The following ZNF536 variants were observed in gnomAD, a reference collection of about 807,000 sequenced individuals.
ZNF536 encodes the protein zinc finger protein 536.
A neutral mutation model predicts 84.5 loss-of-function variants in ZNF536; 13 were observed. The ratio of observed to expected loss-of-function variants is 0.15; its 90% CI spans 0.10 to 0.24. ZNF536 has a LOEUF of 0.24. Among genes scored for constraint, ZNF536 ranks in the 10% least tolerant of loss-of-function variants. The pLI, the probability that ZNF536 is intolerant of heterozygous loss-of-function variation, is 1.00. For synonymous variants in ZNF536, 811 were observed against 742.5 expected (o/e 1.09, Z -1.50); for missense variants, 1,536 against 1,747.5 (o/e 0.88, Z 2.16).
At chr19:30,271,456 C>T (rs1457073213) in intron 1 of ZNF536, among the ~76,000 whole-genome samples, 2 of 152,068 alleles carry the variant, frequency 1.3e-5, no homozygotes, top group Non-Finnish European at 2.9e-5. Context: ...CTTTTCTCAT[C>T]CCTTCTCCAG....
chr19:30,669,789 G>A (rs1453609700), intron 1 of ZNF536, among the ~76,000 whole-genome samples: 1 of 152,212 alleles, frequency 6.6e-6, no homozygotes, highest in Non-Finnish European at 1.5e-5. Context: ...CCTATTGTTG[G>A]AAAAAATTAA....
intron 1 of ZNF536, among the ~76,000 whole-genome samples, chr19:30,666,385 C>T (rs1486801057): frequency 6.6e-6 from 1 of 152,178 alleles, no homozygotes; most frequent in Non-Finnish European, 1.5e-5. Flanking sequence ...TTCTCCCTCC[C>T]TTTCCCTGCC....
At chr19:30,586,931 A>G (rs951172725) in intron 1 of ZNF536, among the ~76,000 whole-genome samples, 1 of 152,238 alleles carries the variant, frequency 6.6e-6, no homozygotes, top group African/African-American at 2.4e-5. Flanking sequence ...AATTAATTGA[A>G]AGTATGGAAA....
At chr19:30,620,122 C>T (rs2048430823) in intron 1 of ZNF536, among the ~76,000 whole-genome samples, 1 of 150,972 alleles carries the variant, frequency 6.6e-6, no homozygotes, top group African/African-American at 2.4e-5. Context: ...TACATGCTGG[C>T]TGACACTCAG....
intron 1 of ZNF536, among the ~76,000 whole-genome samples, chr19:30,440,607 A>G (rs1243048995): frequency 1.3e-5 from 2 of 152,188 alleles, no homozygotes; most frequent in African/African-American, 2.4e-5. Flanking sequence ...AAAAGGACCA[A>G]TGACAAAATG....
At chr19:30,651,658 A>G (rs1040361021) in intron 1 of ZNF536, among the ~76,000 whole-genome samples, 2 of 152,224 alleles carry the variant, frequency 1.3e-5, no homozygotes, top group Non-Finnish European at 1.5e-5. Context: ...TTCTGTAAAG[A>G]TGCCATATTT....
intron 2 of ZNF536, among the ~76,000 whole-genome samples, chr19:30,534,252 G>A: frequency 6.6e-6 from 1 of 152,160 alleles, no homozygotes; most frequent in East Asian, 1.9e-4. Flanking sequence ...GGCTAATTGT[G>A]GAATCACATT....
intron 1 of ZNF536, among the ~76,000 whole-genome samples, chr19:30,582,565 A>G (rs1304658687): frequency 6.6e-6 from 1 of 151,264 alleles, no homozygotes; most frequent in Non-Finnish European, 1.5e-5. Context: ...TAATTTTTTT[A>G]TTTTTTATAG....
intron 2 of ZNF536, among the ~76,000 whole-genome samples, chr19:30,493,794 T>G (rs1477807996): frequency 6.6e-6 from 1 of 152,140 alleles, no homozygotes; most frequent in Non-Finnish European, 1.5e-5. Flanking sequence ...GATAAGAGGT[T>G]CCTGCGGGGG....
chr19:30,527,207 A>G (rs918125357), intron 2 of ZNF536, among the ~76,000 whole-genome samples: 2 of 132,748 alleles, frequency 1.5e-5, no homozygotes, highest in African/African-American at 5.8e-5. Context: ...GTGATCCACC[A>G]CACCCAGCCT....
chr19:30,439,475 C>T (rs926960749), intron 1 of ZNF536, among the ~76,000 whole-genome samples: 3 of 152,168 alleles, frequency 2.0e-5, no homozygotes, highest in South Asian at 2.1e-4. Context: ...TGTCCTGCCT[C>T]GGCTGTTTTG....
chr19:30,234,720 C>T (rs966710147), intron 1 of ZNF536, among the ~76,000 whole-genome samples: 1 of 150,344 alleles, frequency 6.7e-6, no homozygotes, highest in Non-Finnish European at 1.5e-5. Context: ...ATTTTTTAGG[C>T]TTTTTGTTGC....
intron 1 of ZNF536, among the ~76,000 whole-genome samples, chr19:30,415,557 C>A (rs993547852): frequency 1.3e-5 from 2 of 150,540 alleles, no homozygotes; most frequent in Non-Finnish European, 2.9e-5. Flanking sequence ...TCTCAGTCTA[C>A]AGACTGAAAA....
intron 4 of ZNF536, among the ~76,000 whole-genome samples, chr19:30,553,166 A>G (rs541713637): frequency 2.2e-4 from 33 of 152,340 alleles, no homozygotes; most frequent in South Asian, 8.3e-4. Context: ...GTAATGGGAT[A>G]GACTCCACAT....
At chr19:30,373,054 G>A (rs1186650643) in intron 1 of ZNF536, among the ~76,000 whole-genome samples, 4 of 152,140 alleles carry the variant, frequency 2.6e-5, no homozygotes, top group African/African-American at 4.8e-5. Flanking sequence ...AGAAAACTCC[G>A]CATCGGGATC....
At chr19:30,321,754 T>G (rs1244601036) in intron 2 of ZNF536, among the ~76,000 whole-genome samples, 3 of 151,536 alleles carry the variant, frequency 2.0e-5, no homozygotes, top group Non-Finnish European at 4.4e-5. Flanking sequence ...TAATTTTTGT[T>G]TTCTTTTTTC....
At chr19:30,649,675 A>G (rs2049623760) in intron 1 of ZNF536, among the ~76,000 whole-genome samples, 1 of 152,150 alleles carries the variant, frequency 6.6e-6, no homozygotes, top group Admixed American at 6.5e-5. Flanking sequence ...GGTCACAGGA[A>G]AACAATAGAC....
intron 2 of ZNF536, among the ~76,000 whole-genome samples, chr19:30,520,998 T>A (rs1001144823): frequency 2.0e-5 from 3 of 152,216 alleles, no homozygotes; most frequent in Non-Finnish European, 4.4e-5. Flanking sequence ...TTAAAGTGCA[T>A]GCAGCTTTGC....
At position 30,239,489 on chromosome 19, in the gene ZNF536, G is replaced by A. The variant is rs10469277; in HGVS notation, c.-190+10816G>A. ...TGGCCTGGACCTTCTCTGCAAACGG[G>A]GTTTCCTAGAACAGACATGGCGGTT... On this transcript the variant is annotated intron_variant, in intron 1 of 5. Transcript: ENST00000585628. Among the ~76,000 whole-genome samples the A allele has an allele frequency of 1.4e-3, 206 of 152,244 alleles. 1 individual carries two copies. Among genetic ancestry groups the A allele is most frequent in the African/African-American group, 4.7e-3 (196 of 41,554 alleles).
Sources: allele counts gnomAD v4.1 joint callset (sites outside exome capture counted in the v4.1 genomes callset), GRCh38; gene constraint gnomAD v4.1.1; transcripts MANE v1.5; gene names NCBI Gene and HGNC (gene_info 2026-07-23, HGNC 2026-07-21).